The following ABI3BP variants were observed in gnomAD, a reference collection of about 807,000 sequenced individuals.
The protein encoded by ABI3BP is ABI family member 3 binding protein.
Under a neutral mutation model 268.6 loss-of-function variants are expected in ABI3BP, and 216 were observed. The ratio of observed to expected loss-of-function variants is 0.80; its 90% CI spans 0.72 to 0.90. ABI3BP has a LOEUF of 0.90. ABI3BP is among the 40% of genes least tolerant of loss of function. ABI3BP has a pLI of 0.00. For synonymous variants in ABI3BP, 730 were observed against 730.0 expected, an observed-to-expected ratio of 1.00 and a Z score of 0.00; for missense variants, 2,090 against 2,182.4, an observed-to-expected ratio of 0.96 and a Z score of 0.84.
intron 55 of ABI3BP, among the ~76,000 whole-genome samples, chr3:100,791,548 G>A (rs554590362): frequency 2.4e-4 from 36 of 151,966 alleles, no homozygotes; most frequent in East Asian, 9.6e-4. Context: ...AGAAATCAGG[G>A]TGGAATAGGG....
chr3:100,785,931 G>A (rs998833095), intron 57 of ABI3BP, among the ~76,000 whole-genome samples: 4 of 152,132 alleles, frequency 2.6e-5, no homozygotes, highest in Admixed American at 1.3e-4. Flanking sequence ...TCTGTTACAT[G>A]GTGAATTACA....
Position 100,775,321 on chromosome 3 carries a change from C to G in ABI3BP, c.4348G>C (p.Gly1450Arg). Residue 1450 changes from glycine (G) to arginine (R), a missense_variant, in exon 60 of 68, where the codon GGC (glycine) becomes CGC (arginine). Gly to Arg is a moderately radical substitution (Grantham distance 125). Transcript: ENST00000471714. The part of the protein sequence containing the change: ...KPGSAGIISS[G>R]PITTPPLRST... ...CTCAGGGGTGGTGTAGTTATTGGGC[C>G]TGATGAAATGATTCCTGTAAAGTAG... The G allele has an allele frequency of 6.2e-7, 1 of 1,605,806 alleles. No homozygotes were observed. Among genetic ancestry groups the G allele is most frequent in the African/African-American group, 1.3e-5 (1 of 74,870 alleles).
chr3:100,886,420 G>A (rs1365262847), intron 4 of ABI3BP, 97 bp from the exon 5 acceptor site: 2 of 917,248 alleles, frequency 2.2e-6, no homozygotes, highest in South Asian at 5.7e-5. Context: ...ACCAACTTGG[G>A]ATACTATTTA....
chr3:100,830,417 C>G (rs2098471340), intron 32 of ABI3BP, among the ~76,000 whole-genome samples, 161 bp downstream of exon 32: 1 of 151,752 alleles, frequency 6.6e-6, no homozygotes, highest in Non-Finnish European at 1.5e-5. Context: ...CTTTTACCAA[C>G]AAGAAATTGT....
chr3:100,850,628 A>C, intron 16 of ABI3BP, 32 bp downstream of exon 16: 1 of 1,545,498 alleles, frequency 6.5e-7, no homozygotes, highest in African/African-American at 1.4e-5. Context: ...TTGATGGAAA[A>C]TAAAGTATGA....
At chr3:100,900,952 A>G (rs761683242) in intron 3 of ABI3BP, among the ~76,000 whole-genome samples, 10 of 152,228 alleles carry the variant, frequency 6.6e-5, no homozygotes, top group South Asian at 2.1e-4. Flanking sequence ...AATTTTGTAT[A>G]TTTGTACTAT....
chr3:100,933,139 A>G (rs771716026), intron 1 of ABI3BP, among the ~76,000 whole-genome samples: 6 of 152,014 alleles, frequency 3.9e-5, no homozygotes, highest in Admixed American at 1.3e-4. Flanking sequence ...GCACTCTTCT[A>G]AAAGTAGATA....
intron 4 of ABI3BP, among the ~76,000 whole-genome samples, chr3:100,895,469 T>C (rs2047246209): frequency 6.6e-6 from 1 of 152,170 alleles, no homozygotes; most frequent in Non-Finnish European, 1.5e-5. Flanking sequence ...ATATACAAAG[T>C]CCATAGTCAA....
chr3:100,832,129 TCTC>T, intron 31 of ABI3BP, 132 bp downstream of exon 31: 2 of 718,418 alleles, frequency 2.8e-6, no homozygotes, highest in Non-Finnish European at 4.3e-6. Flanking sequence ...CTATTCATGT[TCTC>T]CTCACTAACC....
chr3:100,942,199 G>A (rs553968952), intron 1 of ABI3BP, among the ~76,000 whole-genome samples: 1 of 152,214 alleles, frequency 6.6e-6, no homozygotes, highest in East Asian at 1.9e-4. Context: ...AGTACATTGG[G>A]TAGATGAATA....
intron 18 of ABI3BP, among the ~76,000 whole-genome samples, chr3:100,848,224 C>T (rs1226545557): frequency 2.0e-5 from 3 of 151,124 alleles, no homozygotes; most frequent in South Asian, 2.1e-4. Context: ...AGAGTAGGTA[C>T]CAAAAAAAAT....
At chr3:100,751,455 A>G (rs1357474575) in intron 67 of ABI3BP, 97 bp downstream of exon 67, 59 of 1,318,946 alleles carry the variant, frequency 4.5e-5, no homozygotes, top group Non-Finnish European at 5.7e-5. Context: ...CAGTAGTACT[A>G]TAGAATTCTT....
chr3:100,812,968 C>A (rs960540543), intron 45 of ABI3BP, among the ~76,000 whole-genome samples: 1 of 152,058 alleles, frequency 6.6e-6, no homozygotes, highest in Non-Finnish European at 1.5e-5. Context: ...GCAGTCTTGA[C>A]CTCCTGGGCT....
chr3:100,757,940 T>C (rs1469072575), intron 63 of ABI3BP, among the ~76,000 whole-genome samples: 2 of 152,178 alleles, frequency 1.3e-5, no homozygotes, highest in African/African-American at 4.8e-5. Context: ...ATTAAAGAAC[T>C]ATAAGACCTA....
intron 4 of ABI3BP, among the ~76,000 whole-genome samples, chr3:100,894,947 A>AAAAAAAAAAAAAAAAAAAAAAAAAAAAAC (rs2046724219): frequency 9.1e-6 from 1 of 109,344 alleles, no homozygotes; most frequent in Admixed American, 9.2e-5. Context: ...TCAAAAAAAA[A>AAAAAAAAAAAAAAAAAAAAAAAAAAAAAC]AAAAAAAAAA....
At chr3:100,756,858 T>A (rs2095648852) in intron 63 of ABI3BP, among the ~76,000 whole-genome samples, 1 of 149,840 alleles carries the variant, frequency 6.7e-6, no homozygotes, top group Admixed American at 6.8e-5. Flanking sequence ...TTAATTAACA[T>A]GGGAACTGAA....
intron 1 of ABI3BP, among the ~76,000 whole-genome samples, chr3:100,938,312 A>G (rs2067208879): frequency 6.6e-6 from 1 of 151,846 alleles, no homozygotes; most frequent in South Asian, 2.1e-4. Context: ...AAAAAAAAAA[A>G]ACAAGCAAAC....
chr3:100,795,720 G>A, intron 53 of ABI3BP, 84 bp downstream of exon 53: 1 of 1,014,588 alleles, frequency 9.9e-7, no homozygotes, highest in Non-Finnish European at 1.3e-6. Flanking sequence ...AAGAAATGAT[G>A]TTTCAACAGG....
rs1170572926 is a variant in ABI3BP, at chr3:100,863,071, A to G, written c.1139-162T>C. On this transcript the variant is annotated intron_variant, in intron 12 of 67. Transcript: ENST00000471714. ...ACATCTATGTTTCAATGTTGAATAT[A>G]AGAAAGTTTCTTTTTCAGTTTTTTA... is the stretch of plus-strand genomic sequence containing the variant. 4 of 578,834 alleles carry G rather than the reference A, an allele frequency of 6.9e-6. No homozygotes were observed. The East Asian group carries it at 1.2e-4, about 17-fold the overall frequency. 35.9% of individuals were successfully genotyped at this position (578,834 alleles called of 1,614,324 possible).
Sources: gnomAD v4.1 joint callset for allele counts (sites outside exome capture counted in the v4.1 genomes callset) on GRCh38, gnomAD v4.1.1 for gene constraint, MANE v1.5 for transcripts, NCBI Gene and HGNC (gene_info 2026-07-23, HGNC 2026-07-21) for gene names.